Variants in NAALADL2 observed in about 807,000 individuals in gnomAD.
The protein encoded by NAALADL2 is inactive N-acetylated-alpha-linked acidic dipeptidase-like protein 2.
Under a neutral mutation model 87.2 loss-of-function variants are expected in NAALADL2, and 76 were observed. The ratio of observed to expected loss-of-function variants is 0.87; its 90% CI spans 0.72 to 1.05. NAALADL2 has a LOEUF of 1.05. Among genes scored for constraint, NAALADL2 ranks in the 50% least tolerant of loss-of-function variants. The pLI is 0.00. For synonymous variants in NAALADL2, 354 were observed against 331.0 expected (o/e 1.07, Z -0.75); for missense variants, 1,089 against 945.8 (o/e 1.15, Z -1.99).
At chr3:175,063,931 G>A (rs1277824829) in intron 1 of NAALADL2, among the ~76,000 whole-genome samples, 1 of 152,126 alleles carries the variant, frequency 6.6e-6, no homozygotes, top group African/African-American at 2.4e-5. Flanking sequence ...TGATACAAAT[G>A]TTTTCATAAT....
chr3:175,417,588 C>G (rs865847965), intron 5 of NAALADL2, among the ~76,000 whole-genome samples: 2 of 152,044 alleles, frequency 1.3e-5, no homozygotes, highest in South Asian at 4.1e-4. Context: ...CCAATTAGCT[C>G]TCCACATCCC....
intron 9 of NAALADL2, among the ~76,000 whole-genome samples, chr3:175,568,052 T>C (rs2149532801): frequency 6.6e-6 from 1 of 152,142 alleles, no homozygotes; most frequent in African/African-American, 2.4e-5. Flanking sequence ...TGAAATCTGG[T>C]TTTCTTCCCT....
intron 9 of NAALADL2, among the ~76,000 whole-genome samples, chr3:175,529,173 G>T (rs1733788569): frequency 6.6e-6 from 1 of 152,154 alleles, no homozygotes; most frequent in African/African-American, 2.4e-5. Context: ...CCTTACCTCT[G>T]TTGTGAAGTA....
chr3:175,509,488 A>G (rs1364981005), intron 9 of NAALADL2, among the ~76,000 whole-genome samples: 1 of 152,194 alleles, frequency 6.6e-6, no homozygotes, highest in Non-Finnish European at 1.5e-5. Context: ...TCCTTCCACT[A>G]ACACCATGAG....
intron 2 of NAALADL2, among the ~76,000 whole-genome samples, chr3:175,161,490 T>A (rs922243185): frequency 1.3e-5 from 2 of 152,126 alleles, no homozygotes; most frequent in South Asian, 4.1e-4. Flanking sequence ...TGTTGCACCA[T>A]TGTCTCAAGA....
At chr3:174,591,683 G>A (rs1237251525) in intron 2 of NAALADL2, among the ~76,000 whole-genome samples, 1 of 152,134 alleles carries the variant, frequency 6.6e-6, no homozygotes, top group Non-Finnish European at 1.5e-5. Context: ...TAAAATACAT[G>A]TTGTGCCTTT....
intron 3 of NAALADL2, among the ~76,000 whole-genome samples, chr3:174,741,686 T>C (rs185539592): frequency 2.0e-3 from 307 of 151,810 alleles, no homozygotes; most frequent in African/African-American, 7.2e-3. Flanking sequence ...ATTAACTTTT[T>C]AGCTTTATAT....
At chr3:175,657,693 G>A (rs1000140561) in intron 11 of NAALADL2, among the ~76,000 whole-genome samples, 8 of 151,370 alleles carry the variant, frequency 5.3e-5, no homozygotes, top group Admixed American at 2.0e-4. Context: ...CCGTTCTCCT[G>A]CCTCAGCCTC....
At chr3:174,908,026 T>A (rs1014521606) in intron 1 of NAALADL2, among the ~76,000 whole-genome samples, 9 of 97,100 alleles carry the variant, frequency 9.3e-5, no homozygotes, top group Non-Finnish European at 1.8e-4. Flanking sequence ...AGTTGGTTTT[T>A]TTTTTTTTTT....
chr3:175,222,392 T>C (rs190693803), intron 2 of NAALADL2, among the ~76,000 whole-genome samples: 2 of 152,306 alleles, frequency 1.3e-5, no homozygotes, highest in East Asian at 3.9e-4. Context: ...ATTCACACAA[T>C]GACATCTTGT....
At chr3:174,887,821 CTTT>C (rs537247141) in intron 1 of NAALADL2, among the ~76,000 whole-genome samples, 6 of 142,456 alleles carry the variant, frequency 4.2e-5, no homozygotes, top group Admixed American at 7.1e-5. Context: ...GCTTGAGCAT[CTTT>C]TTTTTTTTTT....
At chr3:175,564,184 A>G (rs1395364582) in intron 9 of NAALADL2, among the ~76,000 whole-genome samples, 2 of 151,992 alleles carry the variant, frequency 1.3e-5, no homozygotes, top group Non-Finnish European at 2.9e-5. Flanking sequence ...ATTACCTCTA[A>G]AAAACCTGAG....
In NAALADL2 at chr3:174,908,243, A is replaced by G. The variant is rs182962895; in HGVS notation, c.43+48793A>G. On this transcript the variant is annotated intron_variant, in intron 1 of 13. Coordinates refer to ENST00000454872, the MANE Select transcript of NAALADL2 (RefSeq NM_207015.3). ...ACTATGCACTGTTGGAGGCATTACT[A>G]TCGTCTCTTGTTTAAATAAATTTCA... Among the ~76,000 whole-genome samples, 22 of 152,078 alleles carry G rather than the reference A, an allele frequency of 1.4e-4. No homozygotes were observed. In the East Asian group the frequency reaches 1.5e-3, roughly 11 times the overall value.
intron 1 of NAALADL2, among the ~76,000 whole-genome samples, chr3:175,042,712 C>A (rs879107351): frequency 6.6e-6 from 1 of 152,130 alleles, no homozygotes; most frequent in African/African-American, 2.4e-5. Flanking sequence ...TTTCATATAT[C>A]TATTGATCAC....
intron 5 of NAALADL2, among the ~76,000 whole-genome samples, chr3:175,399,373 C>CCCA (rs1770262110): frequency 6.6e-6 from 1 of 152,024 alleles, no homozygotes; most frequent in Non-Finnish European, 1.5e-5. Context: ...CCCAGCAAGT[C>CCCA]CCAGCCTCAT....
At chr3:175,134,426 C>CT (rs1184354364) in intron 2 of NAALADL2, among the ~76,000 whole-genome samples, 2 of 140,888 alleles carry the variant, frequency 1.4e-5, no homozygotes, top group South Asian at 4.4e-4. Flanking sequence ...AGCTACTCAG[C>CT]TTTTTTGGGG....
At chr3:174,609,402 T>C (rs1719533848) in intron 2 of NAALADL2, among the ~76,000 whole-genome samples, 1 of 152,006 alleles carries the variant, frequency 6.6e-6, no homozygotes. Context: ...CATGATTGTA[T>C]ATCTAGAAAA....
chr3:175,154,216 C>A (rs1159532849), intron 2 of NAALADL2, among the ~76,000 whole-genome samples: 1 of 152,008 alleles, frequency 6.6e-6, no homozygotes, highest in Admixed American at 6.6e-5. Context: ...TTTCTGGTAC[C>A]TTTATCACTA....
At chr3:174,542,431 T>C (rs1026932211) in intron 1 of NAALADL2, among the ~76,000 whole-genome samples, 1 of 152,196 alleles carries the variant, frequency 6.6e-6, no homozygotes, top group African/African-American at 2.4e-5. Context: ...AAAGGCAAGA[T>C]GTCTTTATTT....
Sources: allele counts gnomAD v4.1 joint callset (sites outside exome capture counted in the v4.1 genomes callset), GRCh38; gene constraint gnomAD v4.1.1; transcripts MANE v1.5; gene names NCBI Gene and HGNC (gene_info 2026-07-23, HGNC 2026-07-21).